SGSM3: variants seen among roughly 807,000 people sequenced by gnomAD.
SGSM3 encodes RUN and SH3 containing 3.
Under a neutral mutation model 100.5 loss-of-function variants are expected in SGSM3, and 96 were observed. The ratio of observed to expected loss-of-function variants is 0.96; its 90% confidence interval spans 0.81 to 1.13. The LOEUF is 1.13. Among genes scored for constraint, SGSM3 ranks in the 50% most tolerant of loss-of-function variants. SGSM3 has a pLI of 0.00. For missense variants in SGSM3, 1,001 were observed against 1,015.8 expected (o/e 0.99, Z 0.20); for synonymous variants, 483 against 422.8 (o/e 1.14, Z -1.75).
chr22:40,384,742 T>C (rs1467963755), intron 1 of SGSM3, among the ~76,000 whole-genome samples: 2 of 152,082 alleles, frequency 1.3e-5, no homozygotes, highest in Non-Finnish European at 2.9e-5. Flanking sequence ...GATAGCGCCA[T>C]TGCACTCCAG....
In SGSM3 at chr22:40,409,300, C is replaced by T. The variant is rs745981773; in HGVS notation, c.2039C>T (p.Thr680Ile). 1.2e-6 allele frequency: 2 copies of T among 1,613,004 alleles called. No homozygotes were observed. The highest frequency in any genetic ancestry group is 2.7e-5 in the African/African-American group (2 of 75,042). ...GAGGTGCTCTGCTCCAGCCTGCCCA[C>T]CGTGGAGAAGTGGTACCAGCCCTGG... ...WLEVLCSSLPTVEKWYQPWSF... is the reference protein window; with the variant it reads ...WLEVLCSSLPIVEKWYQPWSF... Residue 680 changes from threonine (T) to isoleucine (I), a missense_variant, in exon 20 of 22, where the codon ACC becomes ATC. Physicochemically the swap from Thr to Ile is moderately conservative, Grantham distance 89. Coordinates refer to ENST00000248929, the MANE Select transcript of SGSM3 (RefSeq NM_015705.6).
chr22:40,409,004 C>T lies in SGSM3; in HGVS notation c.1974C>T (p.Ile658=), dbSNP rs1376204161. 2 of 1,568,566 alleles carry T rather than the reference C, an allele frequency of 1.3e-6. No individual in the cohort carries two copies. The highest frequency in any genetic ancestry group is 4.8e-5 in the East Asian group (2 of 42,048). The change falls in exon 19 of 22, where the codon ATC becomes ATT. Residue 658 remains isoleucine, a synonymous_variant. Transcript: ENST00000248929. ...TGGATGTGAAGCTCCGCTCACTGAT[C>T]TGCGTGGGGCTCAAGTGAGTGTGGA... ...AQMDVKLRSL[I]CVGLNEQVLH... is the part of the protein sequence containing the mutation.
chr22:40,388,443 G>T (rs1601876580), intron 1 of SGSM3, among the ~76,000 whole-genome samples: 1 of 152,220 alleles, frequency 6.6e-6, no homozygotes, highest in Non-Finnish European at 1.5e-5. Context: ...AAAGCATAAA[G>T]TGCATTGGAG....
chr22:40,405,440 C>T lies in SGSM3; in HGVS notation c.618+156C>T, dbSNP rs147292901. Among the ~76,000 whole-genome samples the T allele has an allele frequency of 2.6e-3, 400 of 152,286 alleles. 2 individuals are homozygous for T. The highest frequency in any genetic ancestry group is 9.2e-3 in the African/African-American group (383 of 41,552). On this transcript the variant is annotated intron_variant, in intron 7 of 21. Transcript: ENST00000248929. ...CACTCCGGGGCGTCCCCAAGGAGAT[C>T]GGGGCAGCTGCACGTTATGCAAGCA...
chr22:40,383,877 G>A (rs2047995085), intron 1 of SGSM3, among the ~76,000 whole-genome samples: 1 of 152,186 alleles, frequency 6.6e-6, no homozygotes. Context: ...TTAAGGCAGT[G>A]GAAATGGAGA....
At chr22:40,400,877 G>A in intron 2 of SGSM3, 64 bp downstream of exon 2, 2 of 1,457,356 alleles carry the variant, frequency 1.4e-6, no homozygotes, top group East Asian at 2.6e-5. Flanking sequence ...CAGAGGGATG[G>A]AAGGTGGCTT....
At position 40,410,071 on chromosome 22, in the gene SGSM3, C is replaced by CTT. The variant is rs1555954090; in HGVS notation, c.*314_*315dup. On this transcript the variant is annotated 3_prime_UTR_variant, in exon 22 of 22. Coordinates refer to ENST00000248929, the MANE Select transcript of SGSM3 (RefSeq NM_015705.6). ...GGGGTGGCTAGTAGGCTCCTGGCCT[C>CTT]TTTGGTTTATAAATAAACTGTGTCT... 3.2e-6 allele frequency: 4 copies of CTT among 1,250,928 alleles called. No homozygotes were observed. Among genetic ancestry groups the CTT allele is most frequent in the Middle Eastern group, 3.0e-4 (1 of 3,318 alleles). 77.5% of individuals were successfully genotyped at this position (1,250,928 alleles called of 1,614,324 possible).
chr22:40,402,697 C>A (rs2050919029), intron 4 of SGSM3, among the ~76,000 whole-genome samples: 1 of 152,202 alleles, frequency 6.6e-6, no homozygotes, highest in South Asian at 2.1e-4. Context: ...TGAGACTGCG[C>A]CACTGCACTC....
intron 1 of SGSM3, among the ~76,000 whole-genome samples, chr22:40,371,716 A>G (rs571967021): frequency 1.6e-4 from 24 of 150,334 alleles, no homozygotes; most frequent in African/African-American, 5.4e-4. Context: ...TTTTTTTTTT[A>G]AGACGGGAGT....
At chr22:40,398,875 C>T (rs61364787) in intron 1 of SGSM3, among the ~76,000 whole-genome samples, 3,894 of 140,474 alleles carry the variant, frequency 0.028, 716 homozygotes, top group African/African-American at 0.097. Context: ...TCCATTCTAT[C>T]GAAAAGAAAA....
intron 1 of SGSM3, among the ~76,000 whole-genome samples, chr22:40,400,233 A>G (rs898484212): frequency 2.0e-5 from 3 of 152,266 alleles, no homozygotes; most frequent in Admixed American, 1.3e-4. Context: ...TTAGGTAAAT[A>G]TGATTTCAAA....
Position 40,405,699 on chromosome 22 carries a change from G to A in SGSM3, c.669G>A (p.Met223Ile), listed in dbSNP as rs946949896. ...TGGAGGAGGAGGACGCCTTCTGGATGATGTCTGCCATCATCGAGGACCTGC... is the reference window on the plus strand; with the variant it reads ...TGGAGGAGGAGGACGCCTTCTGGATAATGTCTGCCATCATCGAGGACCTGC... ...LFLEEEDAFW[M>I]MSAIIEDLLP... Residue 223 changes from methionine to isoleucine, a missense_variant, in exon 8 of 22, where the codon ATG becomes ATA. Coordinates refer to ENST00000248929, the MANE Select transcript of SGSM3 (RefSeq NM_015705.6). 6.2e-7 allele frequency: 1 copy of A among 1,613,622 alleles called. No individual in the cohort carries two copies. Among genetic ancestry groups the A allele is most frequent in the Non-Finnish European group, 8.5e-7 (1 of 1,179,934 alleles).
chr22:40,383,934 C>A (rs2048001951), intron 1 of SGSM3, among the ~76,000 whole-genome samples: 1 of 152,060 alleles, frequency 6.6e-6, no homozygotes. Context: ...AGACTTGCAA[C>A]TGATTTGATA....
intron 4 of SGSM3, among the ~76,000 whole-genome samples, chr22:40,403,152 C>G (rs1449262762): frequency 6.6e-6 from 1 of 152,180 alleles, no homozygotes; most frequent in Non-Finnish European, 1.5e-5. Flanking sequence ...CTGCTTGATG[C>G]GGACAATGTT....
chr22:40,408,650 A>T lies in SGSM3; in HGVS notation c.1806A>T (p.Arg602Ser), dbSNP rs761275867. Residue 602 changes from arginine to serine, a missense_variant, in exon 17 of 22, where the codon AGA becomes AGT. Arg to Ser is a moderately radical substitution (Grantham distance 110). Coordinates refer to ENST00000248929, the MANE Select transcript of SGSM3 (RefSeq NM_015705.6). The part of the protein sequence containing the change: ...IEEAAGREVE[R>S]DFASVYSRLV... ...AGGCTGCAGGCCGGGAGGTCGAGAG[A>T]GACTTTGCCTCCGTGTATTCCCGTC... 1.5e-5 allele frequency: 25 copies of T among 1,613,834 alleles called. No homozygotes were observed. The African/African-American group carries it at 2.5e-4, about 16-fold the overall frequency.
At chr22:40,379,206 T>C (rs1013155911) in intron 1 of SGSM3, 1 of 152,232 alleles carries the variant, frequency 6.6e-6, no homozygotes, top group African/African-American at 2.4e-5. Context: ...CACTTCTGTG[T>C]TCCCGACACT....
At chr22:40,375,060 C>T (rs762264554) in intron 1 of SGSM3, among the ~76,000 whole-genome samples, 8 of 152,204 alleles carry the variant, frequency 5.3e-5, no homozygotes, top group Non-Finnish European at 1.0e-4. Flanking sequence ...ACCATTTATA[C>T]ATGAGGAGAG....
chr22:40,397,062 T>A (rs975603523), intron 1 of SGSM3, among the ~76,000 whole-genome samples: 16 of 152,208 alleles, frequency 1.1e-4, no homozygotes, highest in African/African-American at 3.4e-4. Flanking sequence ...GCTAACTCTC[T>A]GGGCTGTTCC....
intron 1 of SGSM3, among the ~76,000 whole-genome samples, chr22:40,387,957 G>A (rs1268352961): frequency 6.6e-6 from 1 of 152,136 alleles, no homozygotes; most frequent in Non-Finnish European, 1.5e-5. Context: ...CTAGGGTGAG[G>A]TTCCTGTTTC....
Sources: gnomAD v4.1 joint callset for allele counts (sites outside exome capture counted in the v4.1 genomes callset) on GRCh38, gnomAD v4.1.1 for gene constraint, MANE v1.5 for transcripts, NCBI Gene and HGNC (gene_info 2026-07-23, HGNC 2026-07-21) for gene names.